The following PCSK5 variants were observed in gnomAD, a reference collection of about 807,000 sequenced individuals.
PCSK5 encodes proprotein convertase subtilisin/kexin type 5.
A neutral mutation model predicts 233.2 loss-of-function variants in PCSK5; 129 were observed. That is an observed-to-expected ratio of 0.55 (90% CI 0.48 to 0.64). PCSK5 has a LOEUF of 0.64. PCSK5 is among the 30% of genes least tolerant of loss of function. The probability of loss-of-function intolerance (pLI) is 0.00; values close to 1 mark genes in which losing one functional copy is unlikely to be tolerated. For synonymous variants in PCSK5, 825 were observed against 879.2 expected, an observed-to-expected ratio of 0.94 and a Z score of 1.09; for missense variants, 2,076 against 2,430.1, an observed-to-expected ratio of 0.85 and a Z score of 3.06.
chr9:76,189,373 G>C (rs986959698), intron 19 of PCSK5, 150 bp downstream of exon 19: 5 of 725,694 alleles, frequency 6.9e-6, no homozygotes, highest in Admixed American at 2.8e-5. Context: ...CTTTCACCCA[G>C]CTTATCATTG....
At chr9:76,153,972 T>G (rs1823776523) in intron 10 of PCSK5, among the ~76,000 whole-genome samples, 1 of 152,180 alleles carries the variant, frequency 6.6e-6, no homozygotes, top group South Asian at 2.1e-4. Flanking sequence ...GTTTCTCTCT[T>G]TACAGGTCAT....
intron 20 of PCSK5, among the ~76,000 whole-genome samples, chr9:76,205,362 C>T (rs1029767018): frequency 1.3e-5 from 2 of 152,120 alleles, no homozygotes; most frequent in Non-Finnish European, 2.9e-5. Context: ...CATAGAGGGC[C>T]CTCGTATGGG....
intron 1 of PCSK5, among the ~76,000 whole-genome samples, chr9:75,920,547 G>A (rs899666489): frequency 4.6e-5 from 7 of 152,240 alleles, no homozygotes; most frequent in Admixed American, 3.3e-4. Context: ...GGTCATGCTT[G>A]TAGTCCCAGC....
At chr9:75,976,482 TATAAA>T (rs982992620) in intron 2 of PCSK5, among the ~76,000 whole-genome samples, 10 of 152,160 alleles carry the variant, frequency 6.6e-5, no homozygotes, top group Non-Finnish European at 1.2e-4. Context: ...TTGAGACAAA[TATAAA>T]ATAAGTGTCT....
chr9:76,185,409 T>G (rs2131227900), intron 17 of PCSK5, among the ~76,000 whole-genome samples: 1 of 152,344 alleles, frequency 6.6e-6, no homozygotes, highest in South Asian at 2.1e-4. Flanking sequence ...GGACTGAGGC[T>G]GTACGTAGAA....
intron 34 of PCSK5, among the ~76,000 whole-genome samples, chr9:76,336,036 T>A (rs938800623): frequency 6.7e-6 from 1 of 148,304 alleles, no homozygotes; most frequent in Non-Finnish European, 1.5e-5. Context: ...TTTTCCCTGA[T>A]GGTTTCTTTT....
At chr9:76,356,664 AG>A (rs1243097930) in intron 37 of PCSK5, among the ~76,000 whole-genome samples, 1 of 152,206 alleles carries the variant, frequency 6.6e-6, no homozygotes, top group Non-Finnish European at 1.5e-5. Context: ...TCGGCTTGAT[AG>A]GTAAAATCCC....
chr9:76,004,595 G>T (rs79035182), intron 3 of PCSK5, among the ~76,000 whole-genome samples: 1,830 of 152,074 alleles, frequency 0.012, 21 homozygotes, highest in South Asian at 0.022. Context: ...GCGAGGTGTT[G>T]GTTTTCTAAT....
chr9:76,087,443 C>T (rs939153323), intron 7 of PCSK5, among the ~76,000 whole-genome samples: 1 of 152,214 alleles, frequency 6.6e-6, no homozygotes, highest in African/African-American at 2.4e-5. Context: ...TCACCATTTC[C>T]AAGTGTCACT....
chr9:76,149,071 GCTTA>G (rs1251991029), intron 10 of PCSK5, among the ~76,000 whole-genome samples: 2 of 152,090 alleles, frequency 1.3e-5, no homozygotes, highest in Non-Finnish European at 2.9e-5. Context: ...CTCAGTAATG[GCTTA>G]CTTTTCGTAA....
intron 3 of PCSK5, among the ~76,000 whole-genome samples, chr9:76,002,528 T>C (rs1827305708): frequency 6.6e-6 from 1 of 152,226 alleles, no homozygotes; most frequent in African/African-American, 2.4e-5. Flanking sequence ...TTATTTACTG[T>C]GGGAATTCTC....
At chr9:76,320,820 G>T (rs1209821849) in intron 30 of PCSK5, among the ~76,000 whole-genome samples, 14 of 135,510 alleles carry the variant, frequency 1.0e-4, no homozygotes, top group Middle Eastern at 4.1e-3. Flanking sequence ...TTTTGGTTTT[G>T]TTTTTTTTTT....
At chr9:76,103,643 GA>G (rs1831856256) in intron 8 of PCSK5, among the ~76,000 whole-genome samples, 1 of 152,166 alleles carries the variant, frequency 6.6e-6, no homozygotes, top group Non-Finnish European at 1.5e-5. Context: ...GTCATCAAAG[GA>G]TGATGACATC....
intron 2 of PCSK5, among the ~76,000 whole-genome samples, chr9:75,968,807 A>G (rs1825699733): frequency 6.6e-6 from 1 of 152,244 alleles, no homozygotes; most frequent in African/African-American, 2.4e-5. Context: ...AATTCTCCAT[A>G]GTCAACGGTA....
At position 76,362,461 on chromosome 9, in the gene PCSK5, TAC is replaced by T. The variant is rs1278903165; in HGVS notation, c.*3542_*3543del. ...CTATTTTTTCTTCTTTTTATCTTCCTACACTCAAAGACCAAGCTAGCTTTATC... is the reference window on the plus strand; with the variant it reads ...CTATTTTTTCTTCTTTTTATCTTCCTACTCAAAGACCAAGCTAGCTTTATC... On this transcript the variant is annotated 3_prime_UTR_variant, in exon 38 of 38. Coordinates refer to ENST00000674117, the MANE Select transcript of PCSK5 (RefSeq NM_001372043.1). 2 of 152,194 alleles carry T rather than the reference TAC, an allele frequency of 1.3e-5. No individual in the cohort carries two copies. Among genetic ancestry groups the T allele is most frequent in the Non-Finnish European group, 2.9e-5 (2 of 68,016 alleles). 9.4% of individuals were successfully genotyped at this position (152,194 alleles called of 1,614,324 possible).
intron 24 of PCSK5, among the ~76,000 whole-genome samples, chr9:76,273,564 A>ATATAT (rs1564148799): frequency 1.2e-3 from 88 of 74,846 alleles, no homozygotes; most frequent in African/African-American, 4.3e-3. Flanking sequence ...ACAAAATAGT[A>ATATAT]ATATATATAT....
At chr9:75,951,969 A>C (rs988256699) in intron 2 of PCSK5, among the ~76,000 whole-genome samples, 1 of 152,194 alleles carries the variant, frequency 6.6e-6, no homozygotes, top group African/African-American at 2.4e-5. Context: ...CCAACATTTC[A>C]TTATAACAAA....
At position 76,295,339 on chromosome 9, in the gene PCSK5, G is replaced by T. The variant is rs1239788442; in HGVS notation, c.3250G>T (p.Ala1084Ser). ...CTACAGTGAGGAAGTGGAATGCAAG[G>T]CGTGTGATAGTAACTGTGGCAGCTG... ...KTYSEEVECK[A>S]CDSNCGSCDQ... The change falls in exon 26 of 38, where the codon GCG becomes TCG. Residue 1084 changes from alanine to serine, a missense_variant. Transcript: ENST00000674117. 1 of 1,611,656 alleles carries T rather than the reference G, an allele frequency of 6.2e-7. No individual in the cohort carries two copies. Among genetic ancestry groups the T allele is most frequent in the African/African-American group, 1.3e-5 (1 of 74,892 alleles).
At chr9:75,954,763 A>C (rs1308510698) in intron 2 of PCSK5, among the ~76,000 whole-genome samples, 1 of 152,132 alleles carries the variant, frequency 6.6e-6, no homozygotes, top group Non-Finnish European at 1.5e-5. Context: ...TGGCCTGAAA[A>C]TCTGTCCTAT....
Sources: gnomAD v4.1 joint callset for allele counts (sites outside exome capture counted in the v4.1 genomes callset) on GRCh38, gnomAD v4.1.1 for gene constraint, MANE v1.5 for transcripts, NCBI Gene and HGNC (gene_info 2026-07-23, HGNC 2026-07-21) for gene names.